Variants in NRXN1 observed in about 807,000 individuals in gnomAD.
NRXN1 encodes neurexin 1, also known as neurexin-1.
NRXN1 carries 39 observed loss-of-function variants against 150.9 expected under a neutral mutation model. That is an observed-to-expected ratio of 0.26 (90% CI 0.20 to 0.34). The LOEUF (loss-of-function observed/expected upper bound fraction) is 0.34, where lower values mean the gene tolerates loss of function less well. Ranked by LOEUF, NRXN1 falls within the 10% of genes least tolerant of loss-of-function variation. The pLI, the probability that NRXN1 is intolerant of heterozygous loss-of-function variation, is 1.00. For synonymous variants in NRXN1, 924 were observed against 757.0 expected (o/e 1.22, Z -3.62); for missense variants, 1,815 against 1,949.9 (o/e 0.93, Z 1.30).
In NRXN1 at chr2:50,633,272, T is replaced by G. The variant is rs190298207; in HGVS notation, c.833-9657A>C. On this transcript the variant is annotated intron_variant, in intron 5 of 22. Coordinates refer to ENST00000401669, the MANE Select transcript of NRXN1 (RefSeq NM_001330078.2). ...TTTTAAAGTTAGTAACACTTAGAAA[T>G]GCAAGAAATATATACTGCTAACTCA... is the stretch of plus-strand genomic sequence containing the variant. Among the ~76,000 whole-genome samples, 176 of 152,110 alleles carry G rather than the reference T, an allele frequency of 1.2e-3. 1 individual carries two copies. Among genetic ancestry groups the G allele is most frequent in the African/African-American group, 4.0e-3 (168 of 41,510 alleles).
At chr2:50,285,597 A>C (rs567963074) in intron 17 of NRXN1, among the ~76,000 whole-genome samples, 3 of 152,316 alleles carry the variant, frequency 2.0e-5, no homozygotes, top group Non-Finnish European at 4.4e-5. Flanking sequence ...TTCCCTCACT[A>C]ATGTTATAAC....
chr2:50,642,837 A>C (rs1296151250), intron 5 of NRXN1, among the ~76,000 whole-genome samples: 3 of 151,944 alleles, frequency 2.0e-5, no homozygotes, highest in African/African-American at 7.2e-5. Flanking sequence ...TATTCTTCCT[A>C]CTTATCAAAT....
chr2:50,849,096 C>G (rs1200496738), intron 5 of NRXN1, among the ~76,000 whole-genome samples: 1 of 152,216 alleles, frequency 6.6e-6, no homozygotes, highest in Non-Finnish European at 1.5e-5. Context: ...CCAGAAAACT[C>G]TGTTGATCAC....
intron 16 of NRXN1, among the ~76,000 whole-genome samples, chr2:50,471,891 A>G (rs1300033335): frequency 2.0e-5 from 3 of 151,926 alleles, no homozygotes; most frequent in South Asian, 2.1e-4. Context: ...AAATTAAAAC[A>G]AAAAGAATGT....
intron 18 of NRXN1, among the ~76,000 whole-genome samples, chr2:50,169,488 G>A (rs2059891813): frequency 6.6e-6 from 1 of 152,110 alleles, no homozygotes; most frequent in African/African-American, 2.4e-5. Context: ...GCCAAGGAGG[G>A]CGGATTACGA....
chr2:50,890,857 A>G (rs1180837704), intron 5 of NRXN1, among the ~76,000 whole-genome samples: 13 of 151,994 alleles, frequency 8.6e-5, no homozygotes, highest in Admixed American at 5.9e-4. Context: ...CACAAAACAC[A>G]AACTTCTAAT....
At chr2:50,832,609 G>A (rs914321508) in intron 5 of NRXN1, among the ~76,000 whole-genome samples, 26 of 152,066 alleles carry the variant, frequency 1.7e-4, no homozygotes, top group Non-Finnish European at 3.2e-4. Context: ...AGCCAATGTC[G>A]CACCACTGCA....
intron 21 of NRXN1, among the ~76,000 whole-genome samples, chr2:49,969,115 C>T (rs1362007340): frequency 6.6e-6 from 1 of 152,030 alleles, no homozygotes; most frequent in African/African-American, 2.4e-5. Context: ...TAGCTTATCC[C>T]CGGCCAAATT....
intron 5 of NRXN1, among the ~76,000 whole-genome samples, chr2:50,904,912 G>A (rs546825479): frequency 1.3e-5 from 2 of 152,108 alleles, no homozygotes; most frequent in South Asian, 4.2e-4. Flanking sequence ...CTTATATCCA[G>A]GCTCTTCAAG....
chr2:50,133,600 AGTT>A (rs1413105839), intron 18 of NRXN1, among the ~76,000 whole-genome samples: 6 of 152,192 alleles, frequency 3.9e-5, no homozygotes, highest in Middle Eastern at 6.3e-3. Flanking sequence ...TTAGTAAACT[AGTT>A]GTGTTCTGGA....
intron 17 of NRXN1, among the ~76,000 whole-genome samples, chr2:50,446,803 C>T (rs1392950131): frequency 6.6e-6 from 1 of 151,950 alleles, no homozygotes; most frequent in African/African-American, 2.4e-5. Flanking sequence ...AATTGTTATA[C>T]AAATATGCAT....
chr2:50,723,025 C>T (rs904496684), intron 5 of NRXN1, among the ~76,000 whole-genome samples: 47 of 152,070 alleles, frequency 3.1e-4, no homozygotes, highest in Admixed American at 2.0e-4. Context: ...CAGATCACTT[C>T]GCTGTGTATT....
chr2:50,543,200 T>A (rs1476762067), intron 9 of NRXN1, among the ~76,000 whole-genome samples: 1 of 152,146 alleles, frequency 6.6e-6, no homozygotes, highest in South Asian at 2.1e-4. Flanking sequence ...CTTTTTTAAA[T>A]AGTTTGATTC....
chr2:50,149,711 G>A (rs897200601), intron 18 of NRXN1, among the ~76,000 whole-genome samples: 8 of 151,510 alleles, frequency 5.3e-5, no homozygotes, highest in African/African-American at 1.9e-4. Context: ...TATATACATA[G>A]ATTTATCTCA....
chr2:49,981,742 T>C (rs1479704207), intron 21 of NRXN1, among the ~76,000 whole-genome samples: 2 of 152,082 alleles, frequency 1.3e-5, no homozygotes, highest in African/African-American at 4.8e-5. Flanking sequence ...CAGCTTGGAC[T>C]GAATATATAA....
At chr2:50,703,410 G>C (rs1366577402) in intron 5 of NRXN1, among the ~76,000 whole-genome samples, 1 of 152,132 alleles carries the variant, frequency 6.6e-6, no homozygotes, top group African/African-American at 2.4e-5. Context: ...CAAGGGAAGG[G>C]AGCAACCTTA....
Position 51,027,922 on chromosome 2 carries a change from G to T in NRXN1, c.352C>A (p.Arg118Ser). ...GTGTTGCGGAACTGGCGGCGGATGCGCACGCTGTGCCAGGCGCCGTCGTTA... is the reference window on the plus strand; with the variant it reads ...GTGTTGCGGAACTGGCGGCGGATGCTCACGCTGTGCCAGGCGCCGTCGTTA... The part of the protein sequence containing the change: ...PVNDGAWHSV[R>S]IRRQFRNTTL... Residue 118 changes from arginine to serine, a missense_variant, in exon 2 of 23, where the codon CGC (arginine) becomes AGC (serine). Arg to Ser is a moderately radical substitution (Grantham distance 110, BLOSUM62 -1). Around this residue, in one of 6 missense-constraint regions of NRXN1, gnomAD observed 554 missense variants for 478.8 expected, o/e 1.16. Coordinates refer to ENST00000401669, the MANE Select transcript of NRXN1 (RefSeq NM_001330078.2). 6.2e-7 allele frequency: 1 copy of T among 1,606,790 alleles called. No homozygotes were observed. The highest frequency in any genetic ancestry group is 1.1e-5 in the South Asian group (1 of 91,076).
At position 50,838,655 on chromosome 2, in the gene NRXN1, G is replaced by A. The variant is rs941840519; in HGVS notation, c.832+83214C>T. Among the ~76,000 whole-genome samples the A allele has an allele frequency of 5.3e-5, 8 of 152,192 alleles. No individual in the cohort carries two copies. In the South Asian group the frequency reaches 1.5e-3, roughly 28 times the overall value. ...GACATGCACAGAAAGAAGATATTGT[G>A]AAGACACACCGGGAGAAGCTGGCTG... On this transcript the variant is annotated intron_variant, in intron 5 of 22. Transcript: ENST00000401669.
chr2:50,221,518 G>A (rs980179018), intron 18 of NRXN1, among the ~76,000 whole-genome samples: 2 of 151,886 alleles, frequency 1.3e-5, no homozygotes, highest in African/African-American at 4.8e-5. Flanking sequence ...AAAGTGCAAT[G>A]AAAAAACTAT....
Sources: gnomAD v4.1 joint callset for allele counts (sites outside exome capture counted in the v4.1 genomes callset) on GRCh38, gnomAD v4.1.1 for gene constraint, gnomAD v4.1.1 regional missense constraint, MANE v1.5 for transcripts, NCBI Gene and HGNC (gene_info 2026-07-23, HGNC 2026-07-21) for gene names.